NEBL: variants seen among roughly 807,000 people sequenced by gnomAD.
The protein encoded by NEBL is LIM and SH3 protein 2.
In NEBL, 122 loss-of-function variants were observed where a neutral mutation model predicts 140.2. The observed-to-expected ratio is 0.87, with a 90% CI of 0.75 to 1.01. The LOEUF (loss-of-function observed/expected upper bound fraction) is 1.01. Ranked by LOEUF, NEBL falls within the 50% of genes least tolerant of loss-of-function variation. NEBL has a pLI of 0.00. For synonymous variants in NEBL, 436 were observed against 398.9 expected (o/e 1.09, Z -1.11); for missense variants, 1,365 against 1,231.3 (o/e 1.11, Z -1.62).
At chr10:21,286,771 G>A (rs1250093225) in intron 1 of NEBL, among the ~76,000 whole-genome samples, 2 of 152,098 alleles carry the variant, frequency 1.3e-5, no homozygotes, top group South Asian at 2.1e-4. Context: ...CTTGGGAGGC[G>A]GAGGTTGCAG....
rs370456204 is a variant in NEBL, at chr10:20,881,167, CG to C, written c.370-264del. Among the ~76,000 whole-genome samples, 751 of 152,222 alleles carry C rather than the reference CG, an allele frequency of 4.9e-3. 4 individuals carry two copies. The highest frequency in any genetic ancestry group is 0.016 in the African/African-American group (681 of 41,544). ...ATTTTTATTCATCTAGCTTAAACCTCGGGTGTAGTTTTGGGAAATCATCCAT... is the reference window on the plus strand; with the variant it reads ...ATTTTTATTCATCTAGCTTAAACCTCGGTGTAGTTTTGGGAAATCATCCAT... On this transcript the variant is annotated intron_variant, in intron 4 of 27. Coordinates refer to ENST00000377122, the MANE Select transcript of NEBL (RefSeq NM_006393.3).
At chr10:21,058,985 T>C (rs1835160543) in intron 2 of NEBL, among the ~76,000 whole-genome samples, 2 of 152,236 alleles carry the variant, frequency 1.3e-5, no homozygotes, top group African/African-American at 2.4e-5. Context: ...GTGTTTGTGA[T>C]GATAAAACAG....
chr10:21,234,570 T>C (rs1309556825), intron 3 of NEBL, among the ~76,000 whole-genome samples: 1 of 152,120 alleles, frequency 6.6e-6, no homozygotes, highest in Non-Finnish European at 1.5e-5. Flanking sequence ...TCTCAGGTGT[T>C]CCTTTAGAGC....
At chr10:21,155,854 C>A in intron 2 of NEBL, among the ~76,000 whole-genome samples, 1 of 152,138 alleles carries the variant, frequency 6.6e-6, no homozygotes, top group East Asian at 1.9e-4. Context: ...TATCCATTTT[C>A]TCTTTTCCTC....
chr10:20,910,362 T>C (rs1038873927), intron 4 of NEBL, among the ~76,000 whole-genome samples: 7 of 152,226 alleles, frequency 4.6e-5, no homozygotes, highest in African/African-American at 1.7e-4. Context: ...TCCACTTAAG[T>C]TCCTTATGTT....
chr10:21,059,131 C>A (rs551882744), intron 2 of NEBL, among the ~76,000 whole-genome samples: 9 of 152,112 alleles, frequency 5.9e-5, no homozygotes, highest in African/African-American at 2.2e-4. Context: ...TTAACCACCA[C>A]CCCCAGCAGT....
intron 13 of NEBL, among the ~76,000 whole-genome samples, chr10:20,836,416 T>A (rs1292272307): frequency 1.3e-5 from 2 of 152,098 alleles, no homozygotes; most frequent in African/African-American, 4.8e-5. Flanking sequence ...AGAGACCAGG[T>A]TTCACCACGT....
chr10:21,233,583 TG>T (rs34088853), intron 3 of NEBL, among the ~76,000 whole-genome samples: 5,792 of 146,644 alleles, frequency 0.039, 180 homozygotes, highest in South Asian at 0.14. Flanking sequence ...TATATACACA[TG>T]TACATATTTA....
chr10:21,069,645 T>G (rs1348953066), intron 2 of NEBL, among the ~76,000 whole-genome samples: 1 of 150,814 alleles, frequency 6.6e-6, no homozygotes, highest in Non-Finnish European at 1.5e-5. Context: ...TTTATGTAGA[T>G]TTTTCTCACA....
chr10:20,946,080 T>C (rs1835143590), intron 4 of NEBL, among the ~76,000 whole-genome samples: 1 of 152,124 alleles, frequency 6.6e-6, no homozygotes, highest in African/African-American at 2.4e-5. Flanking sequence ...TCTATTCGGG[T>C]ATGTGGGTGT....
intron 12 of NEBL, 122 bp downstream of exon 12, chr10:20,845,136 G>GA (rs1188686267): frequency 9.8e-5 from 63 of 641,052 alleles, no homozygotes; most frequent in Admixed American, 2.4e-4. Flanking sequence ...AGATCAAAGT[G>GA]AAAAAAAAGA....
At chr10:21,046,050 C>G (rs982313551) in intron 2 of NEBL, among the ~76,000 whole-genome samples, 4 of 152,022 alleles carry the variant, frequency 2.6e-5, no homozygotes, top group South Asian at 2.1e-4. Flanking sequence ...TACTACTTAG[C>G]CTTTAAAAAG....
At chr10:20,939,308 C>T (rs565611615) in intron 4 of NEBL, among the ~76,000 whole-genome samples, 1 of 152,118 alleles carries the variant, frequency 6.6e-6, no homozygotes, top group East Asian at 1.9e-4. Context: ...GAATTTTCAA[C>T]CCAGAATTTC....
In NEBL at chr10:20,888,194, C is replaced by G; in HGVS notation, c.272G>C (p.Gly91Ala). Residue 91 changes from glycine to alanine, a missense_variant, in exon 4 of 28, where the codon GGC (glycine) becomes GCC (alanine). This residue lies in a region of NEBL where 1,323 missense variants were observed against 1,154.8 expected (regional missense o/e 1.15). Coordinates refer to ENST00000377122, the MANE Select transcript of NEBL (RefSeq NM_006393.3). ...ATTAGAAAGGTCAGCTTTAATGGTG[C>G]CTTTGTATTTTGCCTGGGGGAAAAA... ...GAFISEAKYK[G>A]TIKADLSNSL... is the part of the protein sequence containing the mutation. 2.5e-6 allele frequency: 4 copies of G among 1,607,574 alleles called. No homozygotes were observed. Among genetic ancestry groups the G allele is most frequent in the South Asian group, 1.1e-5 (1 of 90,074 alleles).
chr10:21,188,326 C>T (rs1841511281), intron 3 of NEBL, among the ~76,000 whole-genome samples: 1 of 152,214 alleles, frequency 6.6e-6, no homozygotes, highest in Middle Eastern at 3.4e-3. Context: ...TCTAGTTCCC[C>T]GTGACCAGAC....
chr10:21,128,148 C>A (rs967753401), intron 2 of NEBL, among the ~76,000 whole-genome samples: 1 of 152,148 alleles, frequency 6.6e-6, no homozygotes, highest in African/African-American at 2.4e-5. Context: ...AAAGGAAACA[C>A]AAACAGTAAA....
chr10:20,886,248 C>T (rs537761955), intron 4 of NEBL, among the ~76,000 whole-genome samples: 12 of 152,030 alleles, frequency 7.9e-5, no homozygotes, highest in East Asian at 3.9e-4. Flanking sequence ...AAAGGTAGGG[C>T]GCAATGGCTC....
At chr10:20,825,168 C>T (rs1028804262) in intron 18 of NEBL, among the ~76,000 whole-genome samples, 14 of 152,158 alleles carry the variant, frequency 9.2e-5, no homozygotes, top group African/African-American at 2.4e-4. Flanking sequence ...ACCTCTCCTA[C>T]ACTTTCTTCA....
At position 21,204,478 on chromosome 10, in the gene NEBL, C is replaced by G. The variant is rs142702100; in HGVS notation, n.349-32001G>C. Among the ~76,000 whole-genome samples, 705 of 152,072 alleles carry G rather than the reference C, an allele frequency of 4.6e-3. 3 individuals are homozygous for G. The highest frequency in any genetic ancestry group is 0.024 in the Middle Eastern group (7 of 294). ...CTCTCTTTCCATGCGCACATGATGA[C>G]AGACCATATAAAGATACAGCAAGAA... On this transcript the variant is annotated intron_variant and non_coding_transcript_variant, in intron 3 of 8. Transcript: ENST00000675702.
Sources: gnomAD v4.1 joint callset for allele counts (sites outside exome capture counted in the v4.1 genomes callset) on GRCh38, gnomAD v4.1.1 for gene constraint, gnomAD v4.1.1 regional missense constraint, MANE v1.5 for transcripts, NCBI Gene and HGNC (gene_info 2026-07-23, HGNC 2026-07-21) for gene names.